The following STAC variants were observed in gnomAD, a reference collection of about 807,000 sequenced individuals.
STAC encodes the protein SH3 and cysteine-rich domain-containing protein.
A neutral mutation model predicts 48.8 loss-of-function variants in STAC; 43 were observed. The ratio of observed to expected loss-of-function variants is 0.88; its 90% CI spans 0.69 to 1.14. The LOEUF is 1.14. Among genes scored for constraint, STAC ranks in the 50% most tolerant of loss-of-function variants. STAC has a pLI of 0.00. For missense variants in STAC, 497 were observed against 504.0 expected, an observed-to-expected ratio of 0.99 and a Z score of 0.13; for synonymous variants, 193 against 179.5, an observed-to-expected ratio of 1.07 and a Z score of -0.60.
chr3:36,392,401 A>G (rs1330246651), intron 1 of STAC, among the ~76,000 whole-genome samples: 2 of 152,006 alleles, frequency 1.3e-5, no homozygotes, highest in Non-Finnish European at 2.9e-5. Flanking sequence ...GTGCAGTGGT[A>G]CAGTCATGGC....
rs1404652070 is a variant in STAC at position 36,443,686 on chromosome 3, G to A, written c.388+46G>A. The A allele has an allele frequency of 1.9e-6, 3 of 1,593,634 alleles. No homozygotes were observed. Among genetic ancestry groups the A allele is most frequent in the East Asian group, 2.2e-5 (1 of 44,740 alleles). Reference sequence around the variant, plus strand: ...CTCCAGATCCCAGCACCCCCGGAAAGCTGAGTGAGAGTGGTGTGCCACGGG... The same window carrying A: ...CTCCAGATCCCAGCACCCCCGGAAAACTGAGTGAGAGTGGTGTGCCACGGG... On this transcript the variant is annotated intron_variant, in intron 2 of 10. Coordinates refer to ENST00000273183, the MANE Select transcript of STAC (RefSeq NM_003149.3). This position sits in a 1 kb window ranked among gnomAD's most constrained non-coding sequence, Gnocchi z 4.2.
intron 10 of STAC, among the ~76,000 whole-genome samples, chr3:36,535,754 T>C (rs1023521757): frequency 1.3e-5 from 2 of 152,226 alleles, no homozygotes; most frequent in African/African-American, 4.8e-5. Context: ...TAGTTCTGTT[T>C]ATATGTGAAT....
intron 6 of STAC, among the ~76,000 whole-genome samples, chr3:36,499,970 C>A (rs1408704553): frequency 1.3e-5 from 2 of 152,098 alleles, no homozygotes; most frequent in African/African-American, 4.8e-5. Context: ...TTCACTTCAT[C>A]TGAAGATATA....
chr3:36,543,640 A>G (rs146769466), intron 10 of STAC, among the ~76,000 whole-genome samples: 2 of 152,342 alleles, frequency 1.3e-5, no homozygotes, highest in East Asian at 3.9e-4. Context: ...ATATAGGCAC[A>G]TATTTGAACC....
intron 2 of STAC, among the ~76,000 whole-genome samples, chr3:36,447,133 C>T (rs1257637665): frequency 6.6e-6 from 1 of 152,096 alleles, no homozygotes; most frequent in Non-Finnish European, 1.5e-5. Flanking sequence ...ACCGAGTGGT[C>T]CTACCTTCAG....
chr3:36,476,054 G>T (rs895987555), intron 2 of STAC, among the ~76,000 whole-genome samples: 7 of 152,244 alleles, frequency 4.6e-5, no homozygotes, highest in Admixed American at 1.3e-4. Context: ...GGAGTCAGGG[G>T]CCACGTAAAG....
intron 2 of STAC, among the ~76,000 whole-genome samples, chr3:36,477,645 A>C (rs1697527636): frequency 6.6e-6 from 1 of 152,218 alleles, no homozygotes; most frequent in South Asian, 2.1e-4. Context: ...AAATGATACC[A>C]CGCTCATAAA....
chr3:36,393,259 A>G (rs1699789478), intron 1 of STAC, among the ~76,000 whole-genome samples: 1 of 151,978 alleles, frequency 6.6e-6, no homozygotes, highest in South Asian at 2.1e-4. Flanking sequence ...CTTCATTGTA[A>G]TTACTTCTTT....
intron 8 of STAC, among the ~76,000 whole-genome samples, chr3:36,507,703 G>T (rs186639436): frequency 6.6e-6 from 1 of 152,104 alleles, no homozygotes; most frequent in Non-Finnish European, 1.5e-5. Flanking sequence ...GTTTATTGGC[G>T]TAGAGGTGTG....
chr3:36,532,309 C>T (rs959554393), intron 10 of STAC, among the ~76,000 whole-genome samples: 1 of 152,192 alleles, frequency 6.6e-6, no homozygotes, highest in Non-Finnish European at 1.5e-5. Flanking sequence ...AATTGACATA[C>T]TTCCCTTTTA....
intron 5 of STAC, among the ~76,000 whole-genome samples, chr3:36,487,932 G>T (rs144960560): frequency 6.6e-6 from 1 of 152,114 alleles, no homozygotes; most frequent in Non-Finnish European, 1.5e-5. Flanking sequence ...GGATAAAAAT[G>T]GTGCTAAATG....
intron 8 of STAC, among the ~76,000 whole-genome samples, chr3:36,515,085 G>A (rs1343926995): frequency 2.0e-5 from 3 of 151,596 alleles, no homozygotes; most frequent in Non-Finnish European, 4.4e-5. Context: ...AACTATAAAT[G>A]AGGAAGCAAA....
At chr3:36,534,573 A>G (rs1426038463) in intron 10 of STAC, among the ~76,000 whole-genome samples, 1 of 149,346 alleles carries the variant, frequency 6.7e-6, no homozygotes, top group Non-Finnish European at 1.5e-5. Context: ...CTGTCTCATA[A>G]TTATTGTATT....
chr3:36,432,612 CA>C (rs1445890791), intron 1 of STAC, among the ~76,000 whole-genome samples: 1 of 151,108 alleles, frequency 6.6e-6, no homozygotes, highest in Non-Finnish European at 1.5e-5. Context: ...CGAGGCAGGG[CA>C]AATTTCTTGA....
intron 2 of STAC, among the ~76,000 whole-genome samples, chr3:36,481,831 G>A (rs530853418): frequency 2.0e-5 from 3 of 152,238 alleles, no homozygotes; most frequent in Admixed American, 2.0e-4. Flanking sequence ...AATGGGTATG[G>A]CCACAGCCAT....
chr3:36,546,297 C>T lies in STAC; in HGVS notation c.*8C>T, dbSNP rs752355979. On this transcript the variant is annotated 3_prime_UTR_variant, in exon 11 of 11. Coordinates refer to ENST00000273183, the MANE Select transcript of STAC (RefSeq NM_003149.3). ...GTACTAGAAAACATCTGATTGCTGG[C>T]TCCTCCTCCGTTTGCAGTAGGCAAG... 5 of 1,612,464 alleles carry T rather than the reference C, an allele frequency of 3.1e-6. No individual in the cohort carries two copies. Among genetic ancestry groups the T allele is most frequent in the South Asian group, 2.2e-5 (2 of 91,056 alleles).
In STAC at chr3:36,398,316, A is replaced by C. The variant is rs545820959; in HGVS notation, c.111+17562A>C. On this transcript the variant is annotated intron_variant, in intron 1 of 10. Transcript: ENST00000273183. ...TTAAAAAAGAAAGAAAGAAAGAAAG[A>C]AAGCAAGAAAGAAAGAAAGAAAGAA... is the stretch of plus-strand genomic sequence containing the variant. Among the ~76,000 whole-genome samples the C allele has an allele frequency of 1.7e-3, 169 of 100,316 alleles. 2 individuals carry two copies. The East Asian group carries it at 0.021, about 13-fold the overall frequency. The allele number at this position is 100,316 out of a possible 152,430, so 65.8% of individuals were successfully genotyped here.
intron 10 of STAC, among the ~76,000 whole-genome samples, chr3:36,532,903 T>G (rs944698453): frequency 6.6e-6 from 1 of 152,152 alleles, no homozygotes; most frequent in East Asian, 1.9e-4. Context: ...AGACACACTG[T>G]ATAAATAAAG....
chr3:36,544,557 C>T (rs1052959637), intron 10 of STAC, among the ~76,000 whole-genome samples: 4 of 152,096 alleles, frequency 2.6e-5, no homozygotes, highest in Non-Finnish European at 5.9e-5. Flanking sequence ...CCCTATTATT[C>T]TGAGGGCAAA....
Sources: gnomAD v4.1 joint callset for allele counts (sites outside exome capture counted in the v4.1 genomes callset) on GRCh38, gnomAD v4.1.1 for gene constraint, Gnocchi (gnomAD v3.1) non-coding constraint, MANE v1.5 for transcripts, NCBI Gene and HGNC (gene_info 2026-07-23, HGNC 2026-07-21) for gene names.